The following AMMECR1 variants were observed in gnomAD, a reference collection of about 807,000 sequenced individuals.
AMMECR1 encodes AMMECR nuclear protein 1, also known as nuclear protein AMMECR1.
A neutral mutation model predicts 22.5 loss-of-function variants in AMMECR1; 3 were observed. The ratio of observed to expected loss-of-function variants is 0.13; its 90% CI spans 0.06 to 0.35. AMMECR1 has a LOEUF of 0.35. Among genes scored for constraint, AMMECR1 ranks in the 10% least tolerant of loss-of-function variants. The pLI is 1.00. For missense variants in AMMECR1, 235 were observed against 278.7 expected, an observed-to-expected ratio of 0.84 and a Z score of 1.12; for synonymous variants, 130 against 116.7, an observed-to-expected ratio of 1.11 and a Z score of -0.74.
intron 3 of AMMECR1, among the ~76,000 whole-genome samples, chrX:110,213,760 ACT>A (rs1262100904): frequency 2.7e-5 from 3 of 111,554 alleles, no homozygotes. Flanking sequence ...ATTTTCAATC[ACT>A]GAGTAAGGTA....
intron 2 of AMMECR1, among the ~76,000 whole-genome samples, chrX:110,362,142 A>T (rs911942608): frequency 7.2e-5 from 8 of 111,341 alleles, no homozygotes; most frequent in East Asian, 2.8e-4. Context: ...TGGAATAAAA[A>T]ATATATATAT....
At chrX:110,275,262 A>C (rs1324906670) in intron 1 of AMMECR1, among the ~76,000 whole-genome samples, 1 of 111,532 alleles carries the variant, frequency 9.0e-6, no homozygotes, top group African/African-American at 3.3e-5. Flanking sequence ...AAGGTTTGCC[A>C]GTGATAATTC....
intron 2 of AMMECR1, among the ~76,000 whole-genome samples, chrX:110,406,692 G>A (rs745705014): frequency 8.9e-6 from 1 of 111,962 alleles, no homozygotes; most frequent in East Asian, 2.8e-4. Flanking sequence ...TGTCTTCCAC[G>A]ATATTTGAAC....
At chrX:110,267,406 A>C (rs1235901329) in intron 1 of AMMECR1, among the ~76,000 whole-genome samples, 2 of 110,657 alleles carry the variant, frequency 1.8e-5, no homozygotes, top group South Asian at 7.7e-4. Context: ...TAAAAAAAAA[A>C]AAACTTTATT....
intron 2 of AMMECR1, among the ~76,000 whole-genome samples, chrX:110,424,657 T>C (rs2068741413): frequency 8.9e-6 from 1 of 112,108 alleles, no homozygotes; most frequent in African/African-American, 3.3e-5. Flanking sequence ...ACGAATACAC[T>C]TGAATTTATT....
At chrX:110,294,284 T>A (rs2148214444) in intron 1 of AMMECR1, among the ~76,000 whole-genome samples, 1 of 112,055 alleles carries the variant, frequency 8.9e-6, no homozygotes, top group Admixed American at 9.5e-5. Context: ...ATACTAGCAC[T>A]GTGTCCTTTC....
intron 3 of AMMECR1, among the ~76,000 whole-genome samples, chrX:110,209,260 G>C (rs2067436026): frequency 8.9e-6 from 1 of 112,172 alleles, no homozygotes; most frequent in African/African-American, 3.2e-5. Flanking sequence ...AAAGAAATTT[G>C]TTCCTAAAAA....
At chrX:110,273,780 T>C (rs1046876480) in intron 1 of AMMECR1, among the ~76,000 whole-genome samples, 1 of 111,751 alleles carries the variant, frequency 8.9e-6, no homozygotes, top group Non-Finnish European at 1.9e-5. Context: ...TGAAGATCAG[T>C]TGGTTGTAGG....
At chrX:110,337,520 A>G (rs73250299) in intron 2 of AMMECR1, among the ~76,000 whole-genome samples, 102 of 111,755 alleles carry the variant, frequency 9.1e-4, no homozygotes, top group Non-Finnish European at 1.5e-3. Context: ...GAGACATCTT[A>G]TTAAGACCCA....
At chrX:110,360,761 A>G (rs2068257845) in intron 2 of AMMECR1, among the ~76,000 whole-genome samples, 1 of 111,324 alleles carries the variant, frequency 9.0e-6, no homozygotes, top group African/African-American at 3.3e-5. Context: ...TTAGGAGGCT[A>G]TTGTAAAAGC....
intron 2 of AMMECR1, among the ~76,000 whole-genome samples, chrX:110,373,696 T>C (rs1442707735): frequency 8.9e-6 from 1 of 112,182 alleles, no homozygotes; most frequent in Admixed American, 9.4e-5. Context: ...CCCTCATGTA[T>C]GAAAGAACTT....
chrX:110,382,941 C>T (rs1320676655), intron 2 of AMMECR1, among the ~76,000 whole-genome samples: 1 of 112,029 alleles, frequency 8.9e-6, no homozygotes, highest in Non-Finnish European at 1.9e-5. Context: ...TTTGGTGGCC[C>T]ATGGCCTATA....
intron 2 of AMMECR1, among the ~76,000 whole-genome samples, chrX:110,364,579 T>C (rs186576162): frequency 2.1e-4 from 23 of 111,587 alleles, no homozygotes; most frequent in Non-Finnish European, 4.3e-4. Flanking sequence ...TCCAAATTAT[T>C]GCCTTATAAG....
intron 2 of AMMECR1, among the ~76,000 whole-genome samples, chrX:110,350,991 A>G (rs1275224292): frequency 8.9e-6 from 1 of 111,877 alleles, no homozygotes; most frequent in Admixed American, 9.5e-5. Flanking sequence ...AAAGAAAAGA[A>G]AAGAAAGGAT....
At chrX:110,288,043 C>G (rs2067889536) in intron 1 of AMMECR1, among the ~76,000 whole-genome samples, 1 of 112,014 alleles carries the variant, frequency 8.9e-6, no homozygotes, top group African/African-American at 3.2e-5. Context: ...AAGAAAATAG[C>G]TATGAATGAG....
chrX:110,419,253 T>G (rs922895803), intron 2 of AMMECR1: 15 of 112,472 alleles, frequency 1.3e-4, no homozygotes, highest in African/African-American at 4.5e-4. Flanking sequence ...GGTCTTTCAA[T>G]TTCTGCAACA....
Position 110,195,730 on chromosome X carries a change from T to C in AMMECR1, c.*2790A>G, listed in dbSNP as rs1464965348. Reference sequence around the variant, plus strand: ...ACAACCTGTGCAATCAGAATCTTCGTCTGAGTTAAAGACATGCTACATATT... The same window carrying C: ...ACAACCTGTGCAATCAGAATCTTCGCCTGAGTTAAAGACATGCTACATATT... On this transcript the variant is annotated 3_prime_UTR_variant, in exon 6 of 6. Transcript: ENST00000262844. 8.9e-6 allele frequency: 1 copy of C among 112,262 alleles called. No individual in the cohort carries two copies. Among genetic ancestry groups the C allele is most frequent in the Non-Finnish European group, 1.9e-5 (1 of 53,219 alleles). The allele number at this position is 112,262 out of a possible 1,213,427, so 9.3% of individuals were successfully genotyped here.
chrX:110,250,900 A>G (rs1015938056), intron 2 of AMMECR1, among the ~76,000 whole-genome samples: 3 of 112,020 alleles, frequency 2.7e-5, no homozygotes, highest in African/African-American at 9.7e-5. Flanking sequence ...GTCACTTATA[A>G]TGAGATCAAC....
chrX:110,405,167 T>A (rs752836327), intron 2 of AMMECR1, among the ~76,000 whole-genome samples: 1 of 105,522 alleles, frequency 9.5e-6, no homozygotes, highest in Non-Finnish European at 1.9e-5. Context: ...GCTGTTGGGA[T>A]TTTGCATACA....
Sources: allele counts gnomAD v4.1 joint callset (sites outside exome capture counted in the v4.1 genomes callset), GRCh38; gene constraint gnomAD v4.1.1; transcripts MANE v1.5; gene names NCBI Gene and HGNC (gene_info 2026-07-23, HGNC 2026-07-21).